The following WDR27 variants were observed in gnomAD, a reference collection of about 807,000 sequenced individuals.
The protein encoded by WDR27 is WD repeat-containing protein 27.
WDR27 carries 100 observed loss-of-function variants against 114.4 expected under a neutral mutation model. The ratio of observed to expected loss-of-function variants is 0.87; its 90% CI spans 0.74 to 1.03. The LOEUF (loss-of-function observed/expected upper bound fraction) is 1.03. Ranked by LOEUF, WDR27 falls within the 50% of genes least tolerant of loss-of-function variation. The pLI, the probability that WDR27 is intolerant of heterozygous loss-of-function variation, is 0.00. For missense variants in WDR27, 1,129 were observed against 1,092.9 expected (o/e 1.03, Z -0.47); for synonymous variants, 449 against 423.1 (o/e 1.06, Z -0.75).
intron 25 of WDR27, among the ~76,000 whole-genome samples, chr6:169,472,924 T>A (rs1786623609): frequency 6.6e-6 from 1 of 152,340 alleles, no homozygotes; most frequent in East Asian, 1.9e-4. Context: ...CATTCTAGAT[T>A]TTTTTAAGTG....
intron 25 of WDR27, among the ~76,000 whole-genome samples, chr6:169,546,759 T>C (rs1271362581): frequency 6.6e-6 from 1 of 152,234 alleles, no homozygotes; most frequent in Non-Finnish European, 1.5e-5. Flanking sequence ...GAACTTTCTA[T>C]GTAAAATCTC....
intron 25 of WDR27, among the ~76,000 whole-genome samples, chr6:169,481,630 G>A (rs1157039445): frequency 2.0e-5 from 3 of 152,066 alleles, no homozygotes; most frequent in Non-Finnish European, 2.9e-5. Context: ...AACTCCAGAC[G>A]CACTGCCTTT....
intron 6 of WDR27, chr6:169,666,727 C>T: frequency 1.0e-6 from 1 of 990,850 alleles, no homozygotes; most frequent in Non-Finnish European, 1.2e-6. Flanking sequence ...TGCTCAGGAC[C>T]TGACCATGAG....
chr6:169,490,242 G>A (rs1356719489), intron 25 of WDR27, among the ~76,000 whole-genome samples: 1 of 152,224 alleles, frequency 6.6e-6, no homozygotes, highest in Non-Finnish European at 1.5e-5. Flanking sequence ...TCTGTGCTGA[G>A]CCTGTGTAGA....
chr6:169,471,393 T>G (rs1255752808), intron 25 of WDR27, among the ~76,000 whole-genome samples: 4 of 152,136 alleles, frequency 2.6e-5, no homozygotes. Context: ...AGATCCCAGG[T>G]GTCTTTCTGC....
Position 169,659,258 on chromosome 6 carries a change from G to A in WDR27, c.1198-51C>T, listed in dbSNP as rs1584972717. 1.3e-6 allele frequency: 2 copies of A among 1,560,020 alleles called. No homozygotes were observed. Among genetic ancestry groups the A allele is most frequent in the Non-Finnish European group, 1.7e-6 (2 of 1,151,098 alleles). ...TTAGCGACACCACCCAGTAAAAGCAGACGAAACGTGCATCCGCACACGTAT... is the reference window on the plus strand; with the variant it reads ...TTAGCGACACCACCCAGTAAAAGCAAACGAAACGTGCATCCGCACACGTAT... On this transcript the variant is annotated intron_variant, in intron 11 of 25. Transcript: ENST00000448612. The surrounding 1 kb of genome is among the most constrained non-coding windows in gnomAD (Gnocchi z 4.3).
intron 23 of WDR27, among the ~76,000 whole-genome samples, chr6:169,600,774 A>T (rs1222647987): frequency 6.6e-6 from 1 of 152,232 alleles, no homozygotes; most frequent in Non-Finnish European, 1.5e-5. Flanking sequence ...AAAAAGAATA[A>T]AAAGAAACAA....
intron 23 of WDR27, among the ~76,000 whole-genome samples, chr6:169,587,309 C>A (rs1252310174): frequency 6.7e-6 from 1 of 149,738 alleles, no homozygotes; most frequent in Non-Finnish European, 1.5e-5. Context: ...ACCTCCACCT[C>A]CTGGGCTCAA....
chr6:169,651,903 G>A (rs1230864528), intron 14 of WDR27, 27 bp downstream of exon 14: 5 of 1,599,020 alleles, frequency 3.1e-6, no homozygotes, highest in African/African-American at 2.7e-5. Flanking sequence ...GTGCATTTCT[G>A]TCTCTCATTG....
At chr6:169,539,095 G>A (rs1200222656) in intron 25 of WDR27, among the ~76,000 whole-genome samples, 1 of 152,194 alleles carries the variant, frequency 6.6e-6, no homozygotes, top group East Asian at 1.9e-4. Context: ...CTGGGTGGAT[G>A]CACACTGTCC....
At chr6:169,548,945 A>G (rs565427905) in intron 25 of WDR27, among the ~76,000 whole-genome samples, 1 of 152,366 alleles carries the variant, frequency 6.6e-6, no homozygotes, top group East Asian at 1.9e-4. Flanking sequence ...GCAAAGCTAT[A>G]TAATTCCTAG....
chr6:169,514,545 A>G (rs61121871), intron 25 of WDR27, among the ~76,000 whole-genome samples: 2,424 of 29,860 alleles, frequency 0.081, 62 homozygotes, highest in African/African-American at 0.24. Context: ...TATTTGGGGG[A>G]AAAATATATA....
the WDR27 span, among the ~76,000 whole-genome samples, chr6:169,449,779 G>A: frequency 6.6e-6 from 1 of 152,160 alleles, no homozygotes; most frequent in Non-Finnish European, 1.5e-5. Context: ...AGGCATTTCC[G>A]AATGCAGGGA....
At chr6:169,643,490 A>G (rs1302370190) in intron 17 of WDR27, among the ~76,000 whole-genome samples, 1 of 152,254 alleles carries the variant, frequency 6.6e-6, no homozygotes, top group Non-Finnish European at 1.5e-5. Context: ...AACAGCCACG[A>G]AAGTGCTGCC....
intron 1 of WDR27, among the ~76,000 whole-genome samples, chr6:169,700,423 C>G (rs548125273): frequency 1.8e-3 from 274 of 152,324 alleles, no homozygotes; most frequent in Non-Finnish European, 1.6e-3. Flanking sequence ...AGCCACTTCC[C>G]TTTCCTTCTA....
chr6:169,452,562 GT>G, downstream of WDR27, among the ~76,000 whole-genome samples: 1 of 69,734 alleles, frequency 1.4e-5, no homozygotes, highest in Admixed American at 1.2e-4. Context: ...GGAGCCGTGC[GT>G]GGGGTCAGAG....
At chr6:169,545,831 C>T (rs1797392965) in intron 25 of WDR27, among the ~76,000 whole-genome samples, 1 of 151,918 alleles carries the variant, frequency 6.6e-6, no homozygotes, top group Admixed American at 6.6e-5. Flanking sequence ...TGCACACATA[C>T]ATATAAATTT....
rs374185080 is a variant in WDR27, at chr6:169,652,064, T to A, written c.1403-56A>T. 5 of 1,467,668 alleles carry A rather than the reference T, an allele frequency of 3.4e-6. No individual in the cohort carries two copies. In the South Asian group the frequency reaches 5.9e-5, roughly 17 times the overall value. 90.9% of individuals were successfully genotyped at this position (1,467,668 alleles called of 1,614,324 possible). ...AACACTTAAAATTAGCATCTCATGA[T>A]GGACATGAGAAGAACAGAGTCTCTT... On this transcript the variant is annotated intron_variant, in intron 13 of 25. Coordinates refer to ENST00000448612, the MANE Select transcript of WDR27 (RefSeq NM_182552.5).
intron 25 of WDR27, among the ~76,000 whole-genome samples, chr6:169,473,609 T>A (rs553127176): frequency 6.6e-6 from 1 of 152,268 alleles, no homozygotes; most frequent in Non-Finnish European, 1.5e-5. Context: ...CTTGCACTAG[T>A]TTAGCAGAAA....
Sources: allele counts gnomAD v4.1 joint callset (sites outside exome capture counted in the v4.1 genomes callset), GRCh38; gene constraint gnomAD v4.1.1; non-coding constraint Gnocchi (gnomAD v3.1); transcripts MANE v1.5; gene names NCBI Gene and HGNC (gene_info 2026-07-23, HGNC 2026-07-21).